WIPF2: variants seen among roughly 807,000 people sequenced by gnomAD.
The protein encoded by WIPF2 is WAS/WASL-interacting protein family member 2.
WIPF2 carries 23 observed loss-of-function variants against 38.8 expected under a neutral mutation model. That is an observed-to-expected ratio of 0.59 (90% confidence interval 0.43 to 0.84). The LOEUF (loss-of-function observed/expected upper bound fraction) is 0.84, where lower values mean the gene tolerates loss of function less well. WIPF2 is among the 40% of genes least tolerant of loss of function. The pLI is 0.00. For missense variants in WIPF2, 574 were observed against 580.5 expected, an observed-to-expected ratio of 0.99 and a Z score of 0.11; for synonymous variants, 210 against 223.2, an observed-to-expected ratio of 0.94 and a Z score of 0.53.
intron 1 of WIPF2, among the ~76,000 whole-genome samples, chr17:40,237,384 G>A (rs2031016421): frequency 1.3e-5 from 2 of 151,748 alleles, no homozygotes; most frequent in Admixed American, 1.3e-4. Context: ...AGGATTACAG[G>A]CGTGCGCCAC....
intron 5 of WIPF2, 170 bp from the exon 6 acceptor site, chr17:40,273,620 A>G: frequency 1.7e-6 from 1 of 581,842 alleles, no homozygotes; most frequent in Non-Finnish European, 3.1e-6. Flanking sequence ...TTTATTCTGA[A>G]TGTTGGTATC....
chr17:40,249,165 T>A (rs1287843479), intron 1 of WIPF2, among the ~76,000 whole-genome samples: 2 of 152,194 alleles, frequency 1.3e-5, no homozygotes, highest in Non-Finnish European at 2.9e-5. Flanking sequence ...CGTGTCTTTT[T>A]AAAATAACTT....
chr17:40,232,179 A>AATTTTTTTTTTTTGTTTTTTTTTT (rs2030772893), intron 1 of WIPF2, among the ~76,000 whole-genome samples: 1 of 76,056 alleles, frequency 1.3e-5, no homozygotes. Context: ...TGCCTGGCTA[A>AATTTTTTTTTTTTGTTTTTTTTTT]TTTTTTTTTT....
intron 1 of WIPF2, among the ~76,000 whole-genome samples, chr17:40,243,523 T>A: frequency 6.6e-6 from 1 of 152,130 alleles, no homozygotes; most frequent in East Asian, 1.9e-4. Context: ...TTTTCAGGTT[T>A]TTTTTTTTAA....
intron 5 of WIPF2, among the ~76,000 whole-genome samples, chr17:40,265,674 A>G (rs568311563): frequency 3.5e-4 from 54 of 152,284 alleles, no homozygotes; most frequent in Non-Finnish European, 6.6e-4. Context: ...GAAGAGTGGT[A>G]GGACTTGGAG....
chr17:40,265,956 A>G (rs555726888), intron 5 of WIPF2, among the ~76,000 whole-genome samples: 27 of 152,258 alleles, frequency 1.8e-4, no homozygotes, highest in African/African-American at 6.3e-4. Context: ...GTTCAGTTTG[A>G]GACAAGTTTG....
chr17:40,243,435 T>C (rs1336114994), intron 1 of WIPF2, among the ~76,000 whole-genome samples: 1 of 152,204 alleles, frequency 6.6e-6, no homozygotes, highest in African/African-American at 2.4e-5. Flanking sequence ...TCAGTAGTTA[T>C]ATCTTCTTCC....
In WIPF2 at chr17:40,278,349, T is replaced by G. The variant is rs2032471537; in HGVS notation, c.*124T>G. On this transcript the variant is annotated 3_prime_UTR_variant, in exon 8 of 8. Coordinates refer to ENST00000323571, the MANE Select transcript of WIPF2 (RefSeq NM_133264.5). Reference sequence around the variant, plus strand: ...ATGTTTCTCCAATGCAATCAAGCCCTAGACTCCAAATGTCCTCCCAGCTCA... The same window carrying G: ...ATGTTTCTCCAATGCAATCAAGCCCGAGACTCCAAATGTCCTCCCAGCTCA... 1.7e-6 allele frequency: 2 copies of G among 1,168,982 alleles called. No individual in the cohort carries two copies. Among genetic ancestry groups the G allele is most frequent in the Admixed American group, 2.2e-5 (1 of 45,458 alleles). 72.4% of individuals were successfully genotyped at this position (1,168,982 alleles called of 1,614,324 possible).
chr17:40,234,739 A>G (rs926291485), intron 1 of WIPF2, among the ~76,000 whole-genome samples: 1 of 152,200 alleles, frequency 6.6e-6, no homozygotes, highest in Admixed American at 6.6e-5. Context: ...AGGAATTTCA[A>G]GAAATGGCTT....
intron 1 of WIPF2, among the ~76,000 whole-genome samples, chr17:40,230,339 C>A (rs992565326): frequency 3.3e-5 from 5 of 151,680 alleles, no homozygotes; most frequent in Admixed American, 6.6e-5. Flanking sequence ...GACCCTGTTT[C>A]AAAAAACAAC....
chr17:40,233,838 C>T (rs571515977), intron 1 of WIPF2, among the ~76,000 whole-genome samples: 6 of 151,914 alleles, frequency 3.9e-5, no homozygotes, highest in South Asian at 2.1e-4. Flanking sequence ...CCGAGGCGGG[C>T]GGATCACCTG....
In WIPF2 at chr17:40,283,240, T is replaced by TTTATTA. The variant is rs1031090692; in HGVS notation, c.*5027_*5032dup. On this transcript the variant is annotated 3_prime_UTR_variant, in exon 8 of 8. Coordinates refer to ENST00000323571, the MANE Select transcript of WIPF2 (RefSeq NM_133264.5). ...CCTGGGAGATTCTGATGGTCCTTATTTTATTATTATTATTATTTTTTTTTG... is the reference window on the plus strand; with the variant it reads ...CCTGGGAGATTCTGATGGTCCTTATTTTATTATTATTATTATTATTATTTTTTTTTG... The TTTATTA allele has an allele frequency of 6.7e-6, 1 of 150,044 alleles. No homozygotes were observed. Among genetic ancestry groups the TTTATTA allele is most frequent in the East Asian group, 1.9e-4 (1 of 5,148 alleles). 9.3% of individuals were successfully genotyped at this position (150,044 alleles called of 1,614,324 possible).
rs552886465 is a variant in WIPF2 at position 40,263,554 on chromosome 17, C to A, written c.313+913C>A. On this transcript the variant is annotated intron_variant, in intron 4 of 7. Coordinates refer to ENST00000323571, the MANE Select transcript of WIPF2 (RefSeq NM_133264.5). ...TTTATTTTATTTATTCGTCCCCCCC[C>A]CCCCCGCAAATGGAGTCTTGCTCTG... is the stretch of plus-strand genomic sequence containing the variant. Among the ~76,000 whole-genome samples the A allele has an allele frequency of 1.5e-4, 21 of 144,564 alleles. 1 individual carries two copies. The East Asian group carries it at 2.6e-3, about 18-fold the overall frequency. The allele number at this position is 144,564 out of a possible 152,430, so 94.8% of individuals were successfully genotyped here. A position where few individuals can be genotyped will look rare whatever the true frequency, so the allele number is the denominator to read the frequency against.
intron 1 of WIPF2, among the ~76,000 whole-genome samples, chr17:40,243,670 C>T (rs2145326578): frequency 6.6e-6 from 1 of 152,018 alleles, no homozygotes; most frequent in East Asian, 1.9e-4. Flanking sequence ...TACGCCACCA[C>T]ACCCGGCTAA....
chr17:40,233,133 T>C (rs985383452), intron 1 of WIPF2, among the ~76,000 whole-genome samples: 4 of 152,212 alleles, frequency 2.6e-5, no homozygotes, highest in African/African-American at 9.6e-5. Context: ...TGAGTCAAGA[T>C]ACTGATTCTA....
intron 3 of WIPF2, 93 bp from the exon 4 acceptor site, chr17:40,262,432 A>G (rs774523480): frequency 2.0e-6 from 2 of 991,694 alleles, no homozygotes; most frequent in Non-Finnish European, 1.6e-6. Flanking sequence ...TTTGCAAGCG[A>G]TAGCCCAGAT....
intron 1 of WIPF2, among the ~76,000 whole-genome samples, chr17:40,254,217 A>T (rs536570851): frequency 6.6e-5 from 10 of 152,154 alleles, no homozygotes; most frequent in African/African-American, 2.2e-4. Context: ...GGATTTCACC[A>T]TGTTGTCCAG....
intron 1 of WIPF2, among the ~76,000 whole-genome samples, chr17:40,250,644 A>G (rs958525215): frequency 2.0e-5 from 3 of 152,056 alleles, no homozygotes; most frequent in Admixed American, 1.3e-4. Flanking sequence ...CTGAAAGTCA[A>G]GGTCTCTGAA....
intron 1 of WIPF2, among the ~76,000 whole-genome samples, chr17:40,234,014 G>A (rs2030854251): frequency 6.6e-6 from 1 of 151,860 alleles, no homozygotes; most frequent in Admixed American, 6.6e-5. Flanking sequence ...GGTGAGCTGA[G>A]ATTGTGCCAT....
Sources: gnomAD v4.1 joint callset for allele counts (sites outside exome capture counted in the v4.1 genomes callset) on GRCh38, gnomAD v4.1.1 for gene constraint, MANE v1.5 for transcripts, NCBI Gene and HGNC (gene_info 2026-07-23, HGNC 2026-07-21) for gene names.